The following HECW2 variants were observed in gnomAD, a reference collection of about 807,000 sequenced individuals.
HECW2 encodes the protein HECT, C2 and WW domain containing E3 ubiquitin protein ligase 2, also known as E3 ubiquitin-protein ligase HECW2.
In HECW2, 61 loss-of-function variants were observed where a neutral mutation model predicts 175.2. The ratio of observed to expected loss-of-function variants is 0.35; its 90% CI spans 0.28 to 0.43. HECW2 has a LOEUF of 0.43. HECW2 is among the 20% of genes least tolerant of loss of function. The probability of loss-of-function intolerance (pLI) is 1.00; values close to 1 mark genes in which losing one functional copy is unlikely to be tolerated. For synonymous variants in HECW2, 671 were observed against 731.0 expected (o/e 0.92, Z 1.32); for missense variants, 1,524 against 2,000.5 (o/e 0.76, Z 4.54).
chr2:196,223,331 CAT>C (rs1380338759), intron 23 of HECW2, among the ~76,000 whole-genome samples: 1 of 152,140 alleles, frequency 6.6e-6, no homozygotes, highest in African/African-American at 2.4e-5. Context: ...TCAGAGCACA[CAT>C]GAGGGGCCTT....
intron 5 of HECW2, among the ~76,000 whole-genome samples, chr2:196,326,467 CAG>C (rs1692156651): frequency 6.8e-6 from 1 of 147,814 alleles, no homozygotes; most frequent in Non-Finnish European, 1.5e-5. Context: ...TTTTTTGAGA[CAG>C]AGTCTCGTTG....
rs62184708 is a variant in HECW2, at chr2:196,530,294, G to A, written c.-36+63214C>T. On this transcript the variant is annotated intron_variant, in intron 1 of 28. Coordinates refer to ENST00000644978, the MANE Select transcript of HECW2 (RefSeq NM_001348768.2). The stretch of plus-strand genomic sequence containing the variant: ...AATGTATGGACATTTAGAATTCTAG[G>A]GATGCATACAATGTTATGAAGCTCA... 3.3e-3 allele frequency among the ~76,000 whole-genome samples: 506 copies of A among 152,208 alleles called. 1 individual carries two copies. Among genetic ancestry groups the A allele is most frequent in the Non-Finnish European group, 6.4e-3 (438 of 68,008 alleles).
intron 17 of HECW2, chr2:196,269,513 A>AAAAAAAAAAAAAAAAAAAC (rs1689647156): frequency 6.6e-6 from 1 of 151,218 alleles, no homozygotes; most frequent in Non-Finnish European, 1.5e-5. Flanking sequence ...AAAAAAAAAA[A>AAAAAAAAAAAAAAAAAAAC]AAAAAAAAGA....
chr2:196,543,503 G>A (rs1364783997), intron 1 of HECW2, among the ~76,000 whole-genome samples: 5 of 152,096 alleles, frequency 3.3e-5, no homozygotes, highest in Non-Finnish European at 7.4e-5. Flanking sequence ...GTGCAGATGC[G>A]AGGTAATTAC....
chr2:196,357,395 T>A (rs368638590), intron 2 of HECW2, among the ~76,000 whole-genome samples: 1 of 152,174 alleles, frequency 6.6e-6, no homozygotes. Context: ...GTAATTTCAC[T>A]GTCTACCTCC....
intron 1 of HECW2, among the ~76,000 whole-genome samples, chr2:196,495,756 A>G (rs1007089160): frequency 8.5e-5 from 13 of 152,222 alleles, no homozygotes; most frequent in Non-Finnish European, 1.8e-4. Context: ...TTCGGTCACC[A>G]TTAGGATTCT....
At chr2:196,330,754 T>C (rs886390449) in intron 4 of HECW2, among the ~76,000 whole-genome samples, 1 of 152,044 alleles carries the variant, frequency 6.6e-6, no homozygotes, top group Non-Finnish European at 1.5e-5. Context: ...CCCTAAGCTC[T>C]TGGTAAATTT....
chr2:196,556,231 T>C (rs544209620), intron 1 of HECW2, among the ~76,000 whole-genome samples: 4 of 152,338 alleles, frequency 2.6e-5, no homozygotes, highest in African/African-American at 7.2e-5. Flanking sequence ...TATGTATGCA[T>C]TATGAAATGA....
At chr2:196,202,592 T>C (rs1217320856) in intron 28 of HECW2, among the ~76,000 whole-genome samples, 1 of 152,224 alleles carries the variant, frequency 6.6e-6, no homozygotes, top group Admixed American at 6.5e-5. Context: ...CAATTAATAA[T>C]AGAGGTATTG....
At chr2:196,354,289 C>A (rs935277839) in intron 2 of HECW2, among the ~76,000 whole-genome samples, 1 of 152,242 alleles carries the variant, frequency 6.6e-6, no homozygotes, top group African/African-American at 2.4e-5. Context: ...CTGGGCACCA[C>A]CGCATTCCCA....
At chr2:196,561,547 T>C (rs1241605319) in intron 1 of HECW2, among the ~76,000 whole-genome samples, 1 of 152,196 alleles carries the variant, frequency 6.6e-6, no homozygotes, top group African/African-American at 2.4e-5. Flanking sequence ...AAACTTGCTG[T>C]TTTTTACGGC....
At chr2:196,270,530 T>A (rs1180179968) in intron 17 of HECW2, among the ~76,000 whole-genome samples, 1 of 152,248 alleles carries the variant, frequency 6.6e-6, no homozygotes, top group African/African-American at 2.4e-5. Flanking sequence ...ACTCTATATA[T>A]CTCAGTTCAA....
chr2:196,475,693 A>G (rs973358018), intron 1 of HECW2, among the ~76,000 whole-genome samples: 1 of 152,232 alleles, frequency 6.6e-6, no homozygotes, highest in African/African-American at 2.4e-5. Context: ...AAGCACTGCA[A>G]TAAAATTTCC....
intron 2 of HECW2, among the ~76,000 whole-genome samples, chr2:196,410,521 A>G (rs571347258): frequency 6.6e-6 from 1 of 152,322 alleles, no homozygotes; most frequent in East Asian, 1.9e-4. Context: ...TTTTTAGGTC[A>G]GTCTGTTATG....
chr2:196,365,265 G>A (rs1199757227), intron 2 of HECW2, among the ~76,000 whole-genome samples: 1 of 152,208 alleles, frequency 6.6e-6, no homozygotes, highest in African/African-American at 2.4e-5. Flanking sequence ...ATTGGCAATG[G>A]AAAAATTCAG....
At chr2:196,216,816 G>T (rs1947496) in intron 27 of HECW2, among the ~76,000 whole-genome samples, 192 bp downstream of exon 27, 60,855 of 151,858 alleles carry the variant, frequency 0.4, 13,545 homozygotes, top group African/African-American at 0.61. Flanking sequence ...AATGCTTTAA[G>T]TTGGCTTAGG....
rs535693786 is a variant in HECW2 at position 196,501,430 on chromosome 2, TAA to T, written c.-35-67974_-35-67973del. On this transcript the variant is annotated intron_variant, in intron 1 of 28. Transcript: ENST00000644978. ...AGGCGTGGGAGTCTCTATAAAAATA[TAA>T]GTTTTTGTATTTTTCACCATGTTGG... Among the ~76,000 whole-genome samples the T allele has an allele frequency of 1.2e-4, 19 of 152,210 alleles. 1 individual carries two copies. The South Asian group carries it at 3.7e-3, about 30-fold the overall frequency.
chr2:196,424,162 T>C (rs936838700), intron 2 of HECW2, among the ~76,000 whole-genome samples: 2 of 152,094 alleles, frequency 1.3e-5, no homozygotes, highest in Admixed American at 1.3e-4. Flanking sequence ...CTTTTGATGA[T>C]ATTATTGTAA....
At chr2:196,314,361 T>G (rs945984739) in intron 10 of HECW2, among the ~76,000 whole-genome samples, 1 of 152,214 alleles carries the variant, frequency 6.6e-6, no homozygotes, top group African/African-American at 2.4e-5. Flanking sequence ...GCATTGGTGG[T>G]GCCCAATAAA....
Sources: gnomAD v4.1 joint callset for allele counts (sites outside exome capture counted in the v4.1 genomes callset) on GRCh38, gnomAD v4.1.1 for gene constraint, MANE v1.5 for transcripts, NCBI Gene and HGNC (gene_info 2026-07-23, HGNC 2026-07-21) for gene names.